The following ADAMTS17 variants were observed in gnomAD, a reference collection of about 807,000 sequenced individuals.
The protein encoded by ADAMTS17 is A disintegrin and metalloproteinase with thrombospondin motifs 17.
In ADAMTS17, 113 loss-of-function variants were observed where a neutral mutation model predicts 141.5. The ratio of observed to expected loss-of-function variants is 0.80; its 90% CI spans 0.69 to 0.93. The LOEUF is 0.93. Ranked by LOEUF, ADAMTS17 falls within the 40% of genes least tolerant of loss-of-function variation. ADAMTS17 has a pLI of 0.00. For missense variants in ADAMTS17, 1,659 were observed against 1,517.9 expected (o/e 1.09, Z -1.54); for synonymous variants, 768 against 630.6 (o/e 1.22, Z -3.27).
At chr15:100,057,727 C>T (rs1469547113) in intron 15 of ADAMTS17, among the ~76,000 whole-genome samples, 1 of 152,156 alleles carries the variant, frequency 6.6e-6, no homozygotes, top group Non-Finnish European at 1.5e-5. Context: ...TTTTGTTCAC[C>T]TTAGGAAAAG....
At chr15:100,254,823 A>C (rs2043270633) in intron 6 of ADAMTS17, among the ~76,000 whole-genome samples, 1 of 152,186 alleles carries the variant, frequency 6.6e-6, no homozygotes, top group Non-Finnish European at 1.5e-5. Flanking sequence ...GGTGGGGAAC[A>C]ACACACACCA....
chr15:99,994,122 C>G (rs973717421), intron 19 of ADAMTS17, among the ~76,000 whole-genome samples: 12 of 152,154 alleles, frequency 7.9e-5, no homozygotes, highest in Middle Eastern at 3.2e-3. Flanking sequence ...CCAGGCCGAG[C>G]TGACCCACAG....
intron 3 of ADAMTS17, among the ~76,000 whole-genome samples, chr15:100,322,277 G>C (rs145549241): frequency 1.3e-5 from 2 of 152,228 alleles, no homozygotes; most frequent in African/African-American, 4.8e-5. Flanking sequence ...GGAAAGTATG[G>C]GGGAGGCATG....
intron 7 of ADAMTS17, among the ~76,000 whole-genome samples, chr15:100,236,791 C>A (rs1280629191): frequency 1.3e-5 from 2 of 152,080 alleles, no homozygotes; most frequent in African/African-American, 4.8e-5. Context: ...TGAGCTATGA[C>A]TGCACCACTG....
intron 7 of ADAMTS17, among the ~76,000 whole-genome samples, chr15:100,246,924 C>T (rs1022848969): frequency 3.3e-5 from 5 of 150,246 alleles, no homozygotes; most frequent in African/African-American, 5.0e-5. Flanking sequence ...CTCTCTGTCG[C>T]CCAGGCTGGA....
chr15:100,048,492 C>CT (rs2031884138), intron 18 of ADAMTS17, among the ~76,000 whole-genome samples: 1 of 151,828 alleles, frequency 6.6e-6, no homozygotes, highest in African/African-American at 2.4e-5. Context: ...CTGTGTGCAC[C>CT]TTTCTCCTGG....
rs541662569 is a variant in ADAMTS17, at chr15:100,243,709, G to A, written c.1075+10427C>T. Among the ~76,000 whole-genome samples the A allele has an allele frequency of 2.6e-5, 4 of 151,302 alleles. No homozygotes were observed. The South Asian group carries it at 8.4e-4, about 32-fold the overall frequency. ...GGAGGCTGAGGCAGGAGAACTGCTG[G>A]AACCCGGGAGGCAGAGGTTGTAGTG... is the stretch of plus-strand genomic sequence containing the variant. On this transcript the variant is annotated intron_variant, in intron 7 of 21. Transcript: ENST00000268070.
At chr15:100,027,157 C>T (rs1476587068) in intron 18 of ADAMTS17, among the ~76,000 whole-genome samples, 2 of 152,172 alleles carry the variant, frequency 1.3e-5, no homozygotes, top group African/African-American at 4.8e-5. Context: ...CTTTTACTAC[C>T]TGGTTTATCA....
chr15:100,311,443 G>C (rs953803354), intron 3 of ADAMTS17, among the ~76,000 whole-genome samples: 2 of 152,220 alleles, frequency 1.3e-5, no homozygotes, highest in African/African-American at 4.8e-5. Flanking sequence ...GACAGCCCCA[G>C]CCAGTGTGCA....
chr15:100,177,989 T>A (rs1269485129), intron 8 of ADAMTS17, among the ~76,000 whole-genome samples: 2 of 150,896 alleles, frequency 1.3e-5, no homozygotes, highest in Admixed American at 1.3e-4. Flanking sequence ...TCCTGTTTTT[T>A]TCCCACAATG....
chr15:100,216,136 TGCCCCCTTTTG>T (rs1237352673), intron 7 of ADAMTS17, among the ~76,000 whole-genome samples: 2 of 152,238 alleles, frequency 1.3e-5, no homozygotes, highest in Non-Finnish European at 2.9e-5. Context: ...CCAAGCCTTG[TGCCCCCTTTTG>T]TAAGATGAGA....
At chr15:100,203,662 G>A (rs138364435) in intron 7 of ADAMTS17, among the ~76,000 whole-genome samples, 26 of 152,090 alleles carry the variant, frequency 1.7e-4, no homozygotes, top group African/African-American at 4.8e-4. Flanking sequence ...CCGAGATCGC[G>A]CCACTGCACT....
At chr15:99,975,975 C>T (rs529082267) in intron 21 of ADAMTS17, 70 bp downstream of exon 21, 60 of 1,475,202 alleles carry the variant, frequency 4.1e-5, no homozygotes, top group Middle Eastern at 1.8e-4. Context: ...AGAACCTCAC[C>T]GTCAGGGAGG....
At chr15:100,048,431 A>G (rs544705718) in intron 18 of ADAMTS17, among the ~76,000 whole-genome samples, 32 of 152,160 alleles carry the variant, frequency 2.1e-4, no homozygotes, top group Admixed American at 8.5e-4. Flanking sequence ...CAAGATCCAC[A>G]CTCACTGGCA....
At position 100,201,432 on chromosome 15, in the gene ADAMTS17, C is replaced by A. The variant is rs1178089577; in HGVS notation, c.1076-2009G>T. The stretch of plus-strand genomic sequence containing the variant: ...CTGAGGCCTCCCCAGCCATGCAGAA[C>A]TGAGAGTCAATTAAACCTCTTTCCT... On this transcript the variant is annotated intron_variant, in intron 7 of 21. Transcript: ENST00000268070. Among the ~76,000 whole-genome samples, 4 of 152,300 alleles carry A rather than the reference C, an allele frequency of 2.6e-5. No homozygotes were observed. The East Asian group carries it at 7.7e-4, about 29-fold the overall frequency.
At chr15:100,164,921 C>T (rs1362756835) in intron 8 of ADAMTS17, among the ~76,000 whole-genome samples, 1 of 152,182 alleles carries the variant, frequency 6.6e-6, no homozygotes, top group Non-Finnish European at 1.5e-5. Flanking sequence ...TCACTAATGA[C>T]CACTCATCTA....
chr15:100,053,421 G>A (rs894759397), intron 16 of ADAMTS17, among the ~76,000 whole-genome samples: 7 of 152,152 alleles, frequency 4.6e-5, no homozygotes, highest in Non-Finnish European at 8.8e-5. Context: ...CCAAATGCTC[G>A]TTGCAAGCTG....
chr15:100,330,543 T>C (rs2046019844), intron 3 of ADAMTS17, among the ~76,000 whole-genome samples: 1 of 152,076 alleles, frequency 6.6e-6, no homozygotes, highest in South Asian at 2.1e-4. Flanking sequence ...GAGCACTGTA[T>C]TATTAAGAGT....
rs1216187173 is a variant in ADAMTS17 at position 100,333,582 on chromosome 15, C to T, written c.451-2528G>A. On this transcript the variant is annotated intron_variant, in intron 2 of 21. Transcript: ENST00000268070. ...CCCTGGACACCTACTGCCTTGATTC[C>T]ATGTGGAGAGGTCCTTGGATTTGGA... is the stretch of plus-strand genomic sequence containing the variant. Among the ~76,000 whole-genome samples the T allele has an allele frequency of 2.0e-5, 3 of 152,346 alleles. No individual in the cohort carries two copies. In the East Asian group the frequency reaches 5.8e-4, roughly 29 times the overall value.
Sources: gnomAD v4.1 joint callset for allele counts (sites outside exome capture counted in the v4.1 genomes callset) on GRCh38, gnomAD v4.1.1 for gene constraint, MANE v1.5 for transcripts, NCBI Gene and HGNC (gene_info 2026-07-23, HGNC 2026-07-21) for gene names.